The following FAM193A variants were observed in gnomAD, a reference collection of about 807,000 sequenced individuals.
The protein encoded by FAM193A is family with sequence similarity 193 member A.
Under a neutral mutation model 126.5 loss-of-function variants are expected in FAM193A, and 22 were observed. The ratio of observed to expected loss-of-function variants is 0.17; its 90% CI spans 0.12 to 0.25. FAM193A has a LOEUF of 0.25. FAM193A is among the 10% of genes least tolerant of loss of function. The probability of loss-of-function intolerance (pLI) is 1.00; values close to 1 mark genes in which losing one functional copy is unlikely to be tolerated. For synonymous variants in FAM193A, 761 were observed against 646.8 expected, an observed-to-expected ratio of 1.18 and a Z score of -2.68; for missense variants, 1,675 against 1,672.8, an observed-to-expected ratio of 1.00 and a Z score of -0.02.
At chr4:2,645,120 C>A (rs1034869094) in intron 6 of FAM193A, among the ~76,000 whole-genome samples, 3 of 151,988 alleles carry the variant, frequency 2.0e-5, no homozygotes, top group Non-Finnish European at 4.4e-5. Context: ...AGTACTGATT[C>A]TCCTAGATGT....
intron 19 of FAM193A, 126 bp downstream of exon 19, chr4:2,700,670 G>T: frequency 8.5e-7 from 1 of 1,178,446 alleles, no homozygotes; most frequent in Non-Finnish European, 1.2e-6. Context: ...GTAGAAAAGA[G>T]CGTAGAGGGG....
At chr4:2,701,223 T>C (rs562907195) in intron 19 of FAM193A, among the ~76,000 whole-genome samples, 7 of 151,778 alleles carry the variant, frequency 4.6e-5, no homozygotes, top group Admixed American at 6.6e-5. Flanking sequence ...GATCCAATGC[T>C]ATTCTCTAAT....
intron 7 of FAM193A, among the ~76,000 whole-genome samples, chr4:2,648,186 G>A (rs1340408006): frequency 6.6e-6 from 1 of 152,166 alleles, no homozygotes; most frequent in South Asian, 2.1e-4. Context: ...ACTGCGCCTG[G>A]CCTGCTGGCT....
In FAM193A at chr4:2,659,630, C is replaced by T. The variant is rs755416751; in HGVS notation, c.1462C>T (p.Leu488=). 3 of 1,614,160 alleles carry T rather than the reference C, an allele frequency of 1.9e-6. No homozygotes were observed. Among genetic ancestry groups the T allele is most frequent in the Non-Finnish European group, 1.7e-6 (2 of 1,180,010 alleles). The change falls in exon 9 of 21, where the codon CTG becomes TTG. Residue 488 remains leucine, a synonymous_variant. Coordinates refer to ENST00000637812, the MANE Select transcript of FAM193A (RefSeq NM_001366318.2). ...CATGAGGCACATGTTATCGTCCCGG[C>T]TGAGCATGCCCGACTGCCCCAACTG... is the stretch of plus-strand genomic sequence containing the variant. ...DTMRHMLSSR[L]SMPDCPNCNY...
At chr4:2,563,626 G>C (rs1260681108) in intron 1 of FAM193A, among the ~76,000 whole-genome samples, 1 of 152,152 alleles carries the variant, frequency 6.6e-6, no homozygotes, top group East Asian at 1.9e-4. Flanking sequence ...GAACAACAAG[G>C]ACATTTATGG....
At chr4:2,702,381 C>T (rs969924049) in intron 19 of FAM193A, among the ~76,000 whole-genome samples, 2 of 152,140 alleles carry the variant, frequency 1.3e-5, no homozygotes, top group African/African-American at 2.4e-5. Context: ...GGGCTCATCT[C>T]GTGTCTTCTC....
At chr4:2,570,410 G>T (rs181286565) in intron 1 of FAM193A, among the ~76,000 whole-genome samples, 2 of 152,254 alleles carry the variant, frequency 1.3e-5, no homozygotes, top group South Asian at 2.1e-4. Flanking sequence ...ACTCTAAATC[G>T]CTGCAGTGAG....
intron 7 of FAM193A, among the ~76,000 whole-genome samples, chr4:2,655,404 A>G (rs1487793803): frequency 6.6e-6 from 1 of 151,988 alleles, no homozygotes; most frequent in Non-Finnish European, 1.5e-5. Flanking sequence ...TAAATTTATT[A>G]GCTGATATTT....
At chr4:2,562,478 C>T (rs1043673769) in intron 1 of FAM193A, among the ~76,000 whole-genome samples, 1 of 152,112 alleles carries the variant, frequency 6.6e-6, no homozygotes, top group South Asian at 2.1e-4. Context: ...GACGACTGCT[C>T]TTCACCCCTT....
Position 2,732,111 on chromosome 4 carries a change from C to T in FAM193A, c.*243C>T, listed in dbSNP as rs1332297768. 2 of 533,702 alleles carry T rather than the reference C, an allele frequency of 3.7e-6. No individual in the cohort carries two copies. The highest frequency in any genetic ancestry group is 6.8e-6 in the Non-Finnish European group (2 of 294,932). 33.1% of individuals were successfully genotyped at this position (533,702 alleles called of 1,614,324 possible). A position where few individuals can be genotyped will look rare whatever the true frequency, so the allele number is the denominator to read the frequency against. Reference sequence around the variant, plus strand: ...TGCTGTCGGATTGGAACAGTAGTTCCCGCCAAGTCCTCCCACCACCGCGGC... The same window carrying T: ...TGCTGTCGGATTGGAACAGTAGTTCTCGCCAAGTCCTCCCACCACCGCGGC... On this transcript the variant is annotated 3_prime_UTR_variant, in exon 21 of 21. Coordinates refer to ENST00000637812, the MANE Select transcript of FAM193A (RefSeq NM_001366318.2).
At chr4:2,709,886 G>T (rs1718720256) in intron 19 of FAM193A, among the ~76,000 whole-genome samples, 1 of 152,092 alleles carries the variant, frequency 6.6e-6, no homozygotes, top group South Asian at 2.1e-4. Flanking sequence ...CTCCTCTCTG[G>T]AAATTATTCT....
chr4:2,625,143 C>T (rs565140848), intron 2 of FAM193A, 119 bp from the exon 3 acceptor site: 3 of 586,886 alleles, frequency 5.1e-6, no homozygotes, highest in Non-Finnish European at 9.2e-6. Flanking sequence ...AAGATAGTTT[C>T]TTTTCAATGT....
intron 6 of FAM193A, among the ~76,000 whole-genome samples, chr4:2,643,182 C>T (rs970796952): frequency 6.6e-6 from 1 of 152,118 alleles, no homozygotes; most frequent in Non-Finnish European, 1.5e-5. Context: ...CACGCCATGC[C>T]TTTGTGCTCT....
At chr4:2,607,821 C>G (rs989880612) in intron 2 of FAM193A, 6 of 566,998 alleles carry the variant, frequency 1.1e-5, no homozygotes, top group African/African-American at 9.9e-5. Context: ...TTCTTATTGA[C>G]TTGTGGGATT....
rs138692397 is a variant in FAM193A at position 2,699,816 on chromosome 4, T to G, written c.3644T>G (p.Leu1215Arg). 11 of 1,613,668 alleles carry G rather than the reference T, an allele frequency of 6.8e-6. No homozygotes were observed. Among genetic ancestry groups the G allele is most frequent in the Non-Finnish European group, 8.5e-6 (10 of 1,179,874 alleles). The change falls in exon 19 of 21, where the codon CTT (leucine) becomes CGT (arginine). Residue 1215 changes from leucine to arginine, a missense_variant. Physicochemically the swap from Leu to Arg is moderately radical, Grantham distance 102. Transcript: ENST00000637812. ...EDRFKEEFQRLQELQKLRAVK... is the reference protein window; with the variant it reads ...EDRFKEEFQRRQELQKLRAVK... Reference sequence around the variant, plus strand: ...CGTTTCAAGGAGGAATTTCAGCGGCTTCAGGAGCTTCAGAAGCTAAGAGCT... The same window carrying G: ...CGTTTCAAGGAGGAATTTCAGCGGCGTCAGGAGCTTCAGAAGCTAAGAGCT...
At chr4:2,650,888 C>T (rs1396578755) in intron 7 of FAM193A, among the ~76,000 whole-genome samples, 14 of 152,176 alleles carry the variant, frequency 9.2e-5, no homozygotes, top group East Asian at 1.9e-4. Flanking sequence ...GCCCAGAGAA[C>T]GCTGTCTCAG....
chr4:2,706,742 C>T (rs1054098441), intron 19 of FAM193A, among the ~76,000 whole-genome samples: 1 of 151,170 alleles, frequency 6.6e-6, no homozygotes, highest in East Asian at 1.9e-4. Context: ...CTGTTCTCTC[C>T]TCATAGCTTT....
intron 1 of FAM193A, among the ~76,000 whole-genome samples, chr4:2,540,099 C>T (rs1043774717): frequency 6.9e-6 from 1 of 144,202 alleles, no homozygotes; most frequent in African/African-American, 2.5e-5. Context: ...GCCTGGGCAA[C>T]AAGAGTGAAA....
intron 13 of FAM193A, among the ~76,000 whole-genome samples, chr4:2,687,094 C>A (rs1715823300): frequency 6.6e-6 from 1 of 152,088 alleles, no homozygotes; most frequent in Admixed American, 6.6e-5. Context: ...TCCCCCTTTG[C>A]CTTCCTGGGC....
Sources: gnomAD v4.1 joint callset for allele counts (sites outside exome capture counted in the v4.1 genomes callset) on GRCh38, gnomAD v4.1.1 for gene constraint, MANE v1.5 for transcripts, NCBI Gene and HGNC (gene_info 2026-07-23, HGNC 2026-07-21) for gene names.